PDCD4: variants seen among roughly 807,000 people sequenced by gnomAD.
PDCD4 encodes the protein programmed cell death 4, also known as programmed cell death protein 4.
A neutral mutation model predicts 54.0 loss-of-function variants in PDCD4; 56 were observed. The observed-to-expected ratio is 1.04, with a 90% CI of 0.84 to 1.30. The LOEUF (loss-of-function observed/expected upper bound fraction) is 1.30. Among genes scored for constraint, PDCD4 ranks in the 50% most tolerant of loss-of-function variants. The pLI is 0.00. For missense variants in PDCD4, 584 were observed against 559.8 expected (o/e 1.04, Z -0.44); for synonymous variants, 186 against 194.8 (o/e 0.95, Z 0.37).
intron 11 of PDCD4, among the ~76,000 whole-genome samples, chr10:110,897,407 A>G (rs1845856862): frequency 6.6e-6 from 1 of 152,162 alleles, no homozygotes; most frequent in South Asian, 2.1e-4. Context: ...TCTATTTCCC[A>G]CTTACTGCTT....
At chr10:110,890,898 G>A (rs1470339535) in intron 8 of PDCD4, 1 of 337,462 alleles carries the variant, frequency 3.0e-6, no homozygotes, top group Non-Finnish European at 5.3e-6. Context: ...TTATAAGCAA[G>A]CCATCTATGA....
In PDCD4 at chr10:110,885,337, T is replaced by TA; in HGVS notation, c.526_527insA (p.Phe176TyrfsTer2). 2 of 1,584,530 alleles carry TA rather than the reference T, an allele frequency of 1.3e-6. No individual in the cohort carries two copies. Among genetic ancestry groups the TA allele is most frequent in the Non-Finnish European group, 1.7e-6 (2 of 1,156,414 alleles). ...TTTAACACCAATCATACAGGAATAT[T>TA]TTGAGCATGGAGATACTAATGAAGT... On this transcript the variant is annotated frameshift_variant, in exon 5 of 12. Transcript: ENST00000280154. LOFTEE classifies it high-confidence loss of function.
chr10:110,873,798 C>T (rs1361451039), intron 1 of PDCD4, among the ~76,000 whole-genome samples: 2 of 152,076 alleles, frequency 1.3e-5, no homozygotes, highest in African/African-American at 2.4e-5. Flanking sequence ...AGTTCCTGAT[C>T]GGGTTATCAT....
chr10:110,885,978 A>T (rs538335515), intron 5 of PDCD4, among the ~76,000 whole-genome samples: 1 of 152,306 alleles, frequency 6.6e-6, no homozygotes, highest in African/African-American at 2.4e-5. Flanking sequence ...GAAGACTTTG[A>T]TCATTTAGAT....
intron 2 of PDCD4, among the ~76,000 whole-genome samples, chr10:110,878,626 T>C (rs554620283): frequency 3.9e-5 from 6 of 152,354 alleles, no homozygotes; most frequent in African/African-American, 1.4e-4. Context: ...TTCGTCTCTT[T>C]AGCTGTCAAT....
intron 1 of PDCD4, among the ~76,000 whole-genome samples, chr10:110,873,726 AAACGTGG>A (rs1845458920): frequency 6.6e-6 from 1 of 152,202 alleles, no homozygotes; most frequent in South Asian, 2.1e-4. Context: ...AAGAGCGTAA[AAACGTGG>A]AACATGTCTT....
chr10:110,873,432 T>C (rs1029206833), intron 1 of PDCD4, among the ~76,000 whole-genome samples: 1 of 152,222 alleles, frequency 6.6e-6, no homozygotes, highest in African/African-American at 2.4e-5. Flanking sequence ...TTTCAGGAAA[T>C]ACATATGTAT....
At chr10:110,888,102 G>A (rs1197465076) in intron 6 of PDCD4, among the ~76,000 whole-genome samples, 3 of 147,546 alleles carry the variant, frequency 2.0e-5, no homozygotes, top group African/African-American at 7.5e-5. Flanking sequence ...ATGTTATCTT[G>A]TACTTTTCCC....
chr10:110,883,213 A>G (rs1430594513), intron 4 of PDCD4, 116 bp downstream of exon 4: 6 of 651,502 alleles, frequency 9.2e-6, no homozygotes, highest in Non-Finnish European at 1.3e-5. Context: ...TTGGATTAGG[A>G]AACCAAGTAA....
chr10:110,876,782 A>G lies in PDCD4; in HGVS notation c.43+712A>G, dbSNP rs2135189496. On this transcript the variant is annotated intron_variant, in intron 2 of 11. Transcript: ENST00000280154. ...AGTAACTCAAGATAATTTAAAATGT[A>G]TTTATAGTTTTAAAAATAATCTCCC... The G allele has an allele frequency of 6.2e-6, 5 of 812,964 alleles. No individual in the cohort carries two copies. In the East Asian group the frequency reaches 1.5e-4, roughly 25 times the overall value. 50.4% of individuals were successfully genotyped at this position (812,964 alleles called of 1,614,324 possible).
intron 3 of PDCD4, among the ~76,000 whole-genome samples, chr10:110,882,634 C>T (rs1269939022): frequency 6.6e-6 from 1 of 152,092 alleles, no homozygotes; most frequent in Non-Finnish European, 1.5e-5. Context: ...CTAAGCTTTA[C>T]CGGCCCAGAA....
At chr10:110,897,435 G>C (rs1411640081) in intron 11 of PDCD4, among the ~76,000 whole-genome samples, 2 of 152,204 alleles carry the variant, frequency 1.3e-5, no homozygotes, top group East Asian at 3.9e-4. Flanking sequence ...CTGGCCAGCT[G>C]TTCCTTCTGG....
At position 110,894,134 on chromosome 10, in the gene PDCD4, C is replaced by G. The variant is rs1845795241; in HGVS notation, c.1034C>G (p.Ser345Cys). 1 of 1,609,650 alleles carries G rather than the reference C, an allele frequency of 6.2e-7. No individual in the cohort carries two copies. Among genetic ancestry groups the G allele is most frequent in the African/African-American group, 1.3e-5 (1 of 74,820 alleles). Residue 345 changes from serine (S) to cysteine (C), a missense_variant, in exon 9 of 12, where the codon TCT becomes TGT. Transcript: ENST00000280154. ...LKEYLLSGDISEAEHCLKELE... is the reference protein window; with the variant it reads ...LKEYLLSGDICEAEHCLKELE... The stretch of plus-strand genomic sequence containing the variant: ...GAATATTTACTCTCTGGAGACATAT[C>G]TGAAGCTGAACATTGCCTTAAGGAA...
At chr10:110,872,876 T>C (rs921668767) in intron 1 of PDCD4, among the ~76,000 whole-genome samples, 1 of 152,130 alleles carries the variant, frequency 6.6e-6, no homozygotes, top group Non-Finnish European at 1.5e-5. Flanking sequence ...TTCAAAACTG[T>C]CTGCAGACGT....
intron 4 of PDCD4, chr10:110,884,779 A>G (rs1168774911): frequency 6.6e-6 from 1 of 152,168 alleles, no homozygotes; most frequent in East Asian, 1.9e-4. Flanking sequence ...GAGCAGTGAC[A>G]TATAAATTCT....
At chr10:110,878,326 G>A (rs898244673) in intron 2 of PDCD4, among the ~76,000 whole-genome samples, 11 of 152,132 alleles carry the variant, frequency 7.2e-5, no homozygotes, top group African/African-American at 2.7e-4. Context: ...TGTTAAAATT[G>A]TTGAAGAAAA....
intron 7 of PDCD4, among the ~76,000 whole-genome samples, chr10:110,890,128 C>G (rs1480791686): frequency 6.6e-6 from 1 of 152,084 alleles, no homozygotes; most frequent in Non-Finnish European, 1.5e-5. Context: ...GGGAGTTATG[C>G]TATTTGATTT....
chr10:110,881,776 T>G (rs1275616665), intron 3 of PDCD4, among the ~76,000 whole-genome samples: 1 of 152,240 alleles, frequency 6.6e-6, no homozygotes, highest in African/African-American at 2.4e-5. Context: ...TGTTAACGAT[T>G]TATTTCCAGC....
At chr10:110,888,726 T>C (rs2135211260) in intron 6 of PDCD4, among the ~76,000 whole-genome samples, 1 of 152,302 alleles carries the variant, frequency 6.6e-6, no homozygotes, top group East Asian at 1.9e-4. Context: ...TAAAATATGG[T>C]AAATATCTTT....
Sources: allele counts gnomAD v4.1 joint callset (sites outside exome capture counted in the v4.1 genomes callset), GRCh38; gene constraint gnomAD v4.1.1; transcripts MANE v1.5; gene names NCBI Gene and HGNC (gene_info 2026-07-23, HGNC 2026-07-21).